ARHGEF26: variants seen among roughly 807,000 people sequenced by gnomAD.
The protein encoded by ARHGEF26 is Rho guanine nucleotide exchange factor (GEF) 26.
ARHGEF26 carries 59 observed loss-of-function variants against 89.4 expected under a neutral mutation model. That is an observed-to-expected ratio of 0.66 (90% CI 0.54 to 0.82). ARHGEF26 has a LOEUF of 0.82. ARHGEF26 is among the 40% of genes least tolerant of loss of function. ARHGEF26 has a pLI of 0.00. For missense variants in ARHGEF26, 1,234 were observed against 1,085.6 expected, an observed-to-expected ratio of 1.14 and a Z score of -1.92; for synonymous variants, 500 against 428.4, an observed-to-expected ratio of 1.17 and a Z score of -2.06.
intron 12 of ARHGEF26, among the ~76,000 whole-genome samples, chr3:154,242,446 T>C (rs1000287006): frequency 6.6e-6 from 1 of 152,140 alleles, no homozygotes; most frequent in Non-Finnish European, 1.5e-5. Context: ...GCGAGAGAAC[T>C]AGATTTAGAA....
intron 11 of ARHGEF26, among the ~76,000 whole-genome samples, chr3:154,239,218 G>C (rs1413096629): frequency 6.7e-6 from 1 of 149,642 alleles, no homozygotes; most frequent in Non-Finnish European, 1.5e-5. Context: ...CTTCAAGAAA[G>C]AAGTAGTGTT....
chr3:154,121,333 G>A (rs1424916683), upstream of ARHGEF26: 1 of 152,210 alleles, frequency 6.6e-6, no homozygotes, highest in Admixed American at 6.5e-5. Context: ...AGGCGGATCT[G>A]GGCGGGGCCG....
Position 154,170,869 on chromosome 3 carries a change from C to G in ARHGEF26, c.1488-16816C>G, listed in dbSNP as rs568659897. Among the ~76,000 whole-genome samples the G allele has an allele frequency of 3.3e-5, 5 of 152,306 alleles. No homozygotes were observed. In the South Asian group the frequency reaches 8.3e-4, roughly 25 times the overall value. ...GGAGGATAAATTGTATGGTCACCCT[C>G]TAATGTAAGGATGATTCATAATTAT... On this transcript the variant is annotated intron_variant, in intron 6 of 14. Transcript: ENST00000465093.
intron 6 of ARHGEF26, among the ~76,000 whole-genome samples, chr3:154,177,963 T>C (rs1009545379): frequency 1.3e-5 from 2 of 152,154 alleles, no homozygotes; most frequent in African/African-American, 4.8e-5. Context: ...CCCAGCACTT[T>C]GGGAGGCCGA....
At chr3:154,250,385 G>T (rs144003143) in intron 12 of ARHGEF26, among the ~76,000 whole-genome samples, 2 of 149,276 alleles carry the variant, frequency 1.3e-5, no homozygotes. Context: ...GCATCTAAGA[G>T]GGGGGGGTGG....
intron 7 of ARHGEF26, among the ~76,000 whole-genome samples, chr3:154,188,455 A>T (rs1184915046): frequency 6.6e-6 from 1 of 152,210 alleles, no homozygotes; most frequent in Non-Finnish European, 1.5e-5. Context: ...TTTTTAGGTT[A>T]CTGAGAGTTT....
rs911625127 is a variant in ARHGEF26, at chr3:154,122,361, C to G, written c.369C>G (p.Gly123=). 2 of 1,612,434 alleles carry G rather than the reference C, an allele frequency of 1.2e-6. No individual in the cohort carries two copies. Among genetic ancestry groups the G allele is most frequent in the African/African-American group, 2.7e-5 (2 of 74,928 alleles). The change falls in exon 2 of 15, where the codon GGC becomes GGG. Residue 123 remains glycine, a synonymous_variant. Transcript: ENST00000465093. ...AGCTCCCCAAAGCGGTGCCTGGCGG[C>G]TCCCCGAAATCCCCAGCAAATGGCG... ...SPKLPKAVPG[G]SPKSPANGAV...
chr3:154,161,012 G>A (rs1173240565), intron 6 of ARHGEF26, among the ~76,000 whole-genome samples: 1 of 152,006 alleles, frequency 6.6e-6, no homozygotes, highest in Non-Finnish European at 1.5e-5. Flanking sequence ...ATAAGAAGGG[G>A]ACTGTTGTAC....
intron 12 of ARHGEF26, among the ~76,000 whole-genome samples, chr3:154,247,496 A>T (rs1229992452): frequency 6.6e-6 from 1 of 152,052 alleles, no homozygotes; most frequent in Admixed American, 6.5e-5. Context: ...TCTCCCATCA[A>T]TACAGTAGTT....
intron 10 of ARHGEF26, among the ~76,000 whole-genome samples, chr3:154,224,671 A>G (rs1191447005): frequency 6.6e-6 from 1 of 152,156 alleles, no homozygotes; most frequent in African/African-American, 2.4e-5. Flanking sequence ...CTGTCTCTGT[A>G]GGGTAATTGT....
intron 6 of ARHGEF26, among the ~76,000 whole-genome samples, chr3:154,155,168 T>G (rs1720254625): frequency 6.6e-6 from 1 of 152,020 alleles, no homozygotes; most frequent in Admixed American, 6.6e-5. Flanking sequence ...TAGTTAGCAT[T>G]TCTCTTATAA....
chr3:154,160,583 A>G (rs1711595126), intron 6 of ARHGEF26, among the ~76,000 whole-genome samples: 1 of 152,176 alleles, frequency 6.6e-6, no homozygotes, highest in Admixed American at 6.5e-5. Context: ...TTGTCCAGTA[A>G]TGCAGGAAAG....
rs11415597 is a variant in ARHGEF26 at position 154,150,137 on chromosome 3, C to CTT, written c.1326+705_1326+706dup. On this transcript the variant is annotated intron_variant, in intron 5 of 14. Coordinates refer to ENST00000465093, the MANE Select transcript of ARHGEF26 (RefSeq NM_015595.4). ...ATTCCACAAAGGACCCAAGGATGTCCTTTTTTTTTTTTTTGGTTGGCATAG... is the reference window on the plus strand; with the variant it reads ...ATTCCACAAAGGACCCAAGGATGTCCTTTTTTTTTTTTTTTTGGTTGGCATAG... Among the ~76,000 whole-genome samples the CTT allele has an allele frequency of 4.1e-3, 562 of 137,356 alleles. 10 individuals are homozygous for CTT. Among genetic ancestry groups the CTT allele is most frequent in the East Asian group, 0.035 (166 of 4,782 alleles). The allele number at this position is 137,356 out of a possible 152,430, so 90.1% of individuals were successfully genotyped here. A position where few individuals can be genotyped will look rare whatever the true frequency, so the allele number is the denominator to read the frequency against.
chr3:154,218,436 G>A (rs1165108426), intron 10 of ARHGEF26, among the ~76,000 whole-genome samples: 1 of 151,966 alleles, frequency 6.6e-6, no homozygotes, highest in Non-Finnish European at 1.5e-5. Context: ...TTTTGAATAT[G>A]TGCTGCTTGT....
At chr3:154,159,133 A>G (rs1711522150) in intron 6 of ARHGEF26, among the ~76,000 whole-genome samples, 1 of 152,120 alleles carries the variant, frequency 6.6e-6, no homozygotes, top group Admixed American at 6.6e-5. Flanking sequence ...TGTTTCATAA[A>G]AAGATGGGTT....
At chr3:154,254,643 A>T in intron 13 of ARHGEF26, 77 bp from the exon 14 acceptor site, 1 of 1,102,844 alleles carries the variant, frequency 9.1e-7, no homozygotes, top group Non-Finnish European at 1.3e-6. Context: ...AGAGAAAAAT[A>T]AGTAAGTGTA....
At chr3:154,186,136 G>GACACACAT (rs1713513652) in intron 6 of ARHGEF26, among the ~76,000 whole-genome samples, 1 of 147,036 alleles carries the variant, frequency 6.8e-6, no homozygotes, top group East Asian at 2.0e-4. Flanking sequence ...CACACACTTA[G>GACACACAT]ACACACACAC....
chr3:154,139,724 TA>T (rs1249604725), intron 4 of ARHGEF26, among the ~76,000 whole-genome samples: 4 of 152,172 alleles, frequency 2.6e-5, no homozygotes, highest in African/African-American at 7.2e-5. Flanking sequence ...AATCTTTAAA[TA>T]AGGAATCCTT....
chr3:154,251,439 A>G (rs895355614), intron 12 of ARHGEF26, among the ~76,000 whole-genome samples: 20 of 152,166 alleles, frequency 1.3e-4, no homozygotes, highest in African/African-American at 4.8e-4. Flanking sequence ...TCAATATGTG[A>G]TGAGTTATAT....
Sources: allele counts gnomAD v4.1 joint callset (sites outside exome capture counted in the v4.1 genomes callset), GRCh38; gene constraint gnomAD v4.1.1; transcripts MANE v1.5; gene names NCBI Gene and HGNC (gene_info 2026-07-23, HGNC 2026-07-21).